The following GPC6 variants were observed in gnomAD, a reference collection of about 807,000 sequenced individuals.
GPC6 encodes glypican 6, also known as glypican-6.
A neutral mutation model predicts 55.2 loss-of-function variants in GPC6; 14 were observed. That is an observed-to-expected ratio of 0.25 (90% CI 0.17 to 0.40). The LOEUF (loss-of-function observed/expected upper bound fraction) is 0.40, where lower values mean the gene tolerates loss of function less well. Among genes scored for constraint, GPC6 ranks in the 10% least tolerant of loss-of-function variants. GPC6 has a pLI of 1.00. For missense variants in GPC6, 641 were observed against 708.5 expected (o/e 0.90, Z 1.08); for synonymous variants, 278 against 259.6 (o/e 1.07, Z -0.68).
At chr13:93,544,827 A>G (rs975702657) in intron 1 of GPC6, among the ~76,000 whole-genome samples, 4 of 152,194 alleles carry the variant, frequency 2.6e-5, no homozygotes, top group African/African-American at 4.8e-5. Flanking sequence ...ACAGACTTGC[A>G]GAAAGAGAAC....
chr13:94,361,046 C>T (rs1316289858), intron 6 of GPC6, among the ~76,000 whole-genome samples: 1 of 152,210 alleles, frequency 6.6e-6, no homozygotes, highest in Non-Finnish European at 1.5e-5. Context: ...ACAAAAAGGT[C>T]ACCATAGAAA....
intron 3 of GPC6, among the ~76,000 whole-genome samples, chr13:93,912,644 G>A (rs1022906547): frequency 1.3e-5 from 2 of 152,174 alleles, no homozygotes; most frequent in Non-Finnish European, 2.9e-5. Context: ...TCGGGAGGCT[G>A]AGGCAGGAGA....
chr13:93,655,687 A>G (rs1880631743), intron 2 of GPC6, among the ~76,000 whole-genome samples: 1 of 152,186 alleles, frequency 6.6e-6, no homozygotes, highest in Non-Finnish European at 1.5e-5. Flanking sequence ...GAGTGTGGAA[A>G]AGTACAATGG....
chr13:93,638,702 A>T (rs1879794285), intron 2 of GPC6, among the ~76,000 whole-genome samples: 1 of 152,142 alleles, frequency 6.6e-6, no homozygotes, highest in African/African-American at 2.4e-5. Context: ...TTGATTAAAG[A>T]TGACAACAAC....
intron 1 of GPC6, among the ~76,000 whole-genome samples, chr13:93,321,196 A>G (rs944102170): frequency 2.6e-5 from 4 of 152,120 alleles, no homozygotes; most frequent in Admixed American, 1.3e-4. Flanking sequence ...TTAGTTTGCT[A>G]ATTTCCCATC....
intron 2 of GPC6, among the ~76,000 whole-genome samples, chr13:93,808,186 T>G (rs1239403586): frequency 6.7e-6 from 1 of 148,686 alleles, no homozygotes; most frequent in African/African-American, 2.4e-5. Flanking sequence ...ATGGGATAGT[T>G]ATTACTATAC....
chr13:93,507,526 C>T (rs892401127), intron 1 of GPC6, among the ~76,000 whole-genome samples: 7 of 152,162 alleles, frequency 4.6e-5, no homozygotes, highest in East Asian at 1.9e-4. Flanking sequence ...TACTTTAATT[C>T]CAATGAGCAG....
intron 1 of GPC6, among the ~76,000 whole-genome samples, chr13:93,274,858 C>T (rs1158074596): frequency 1.3e-5 from 2 of 152,066 alleles, no homozygotes; most frequent in African/African-American, 4.8e-5. Context: ...GATATAATTT[C>T]CTGTGCTTTC....
At chr13:93,860,082 A>T (rs547151863) in intron 3 of GPC6, among the ~76,000 whole-genome samples, 1 of 151,786 alleles carries the variant, frequency 6.6e-6, no homozygotes, top group African/African-American at 2.4e-5. Context: ...ATCAACTCTT[A>T]GCAGACATTT....
At chr13:94,300,144 T>C (rs1375214827) in intron 5 of GPC6, among the ~76,000 whole-genome samples, 2 of 152,054 alleles carry the variant, frequency 1.3e-5, no homozygotes, top group Non-Finnish European at 2.9e-5. Flanking sequence ...GAGTAGAAAG[T>C]GGGAAGACAG....
intron 2 of GPC6, among the ~76,000 whole-genome samples, chr13:93,641,231 C>G (rs1879922245): frequency 6.6e-6 from 1 of 151,650 alleles, no homozygotes. Flanking sequence ...TGTCCCACTC[C>G]TCATCCCACA....
chr13:93,719,324 A>T (rs1594398548), intron 2 of GPC6, among the ~76,000 whole-genome samples: 1 of 151,754 alleles, frequency 6.6e-6, no homozygotes, highest in African/African-American at 2.4e-5. Context: ...TATTTCTAGG[A>T]ATTTTATTCT....
chr13:93,682,690 AT>A (rs1157720378), intron 2 of GPC6, among the ~76,000 whole-genome samples: 4 of 152,082 alleles, frequency 2.6e-5, no homozygotes, highest in Non-Finnish European at 5.9e-5. Flanking sequence ...TTGAAAAAAA[AT>A]ATATACATCT....
At chr13:93,277,698 G>T (rs562311501) in intron 1 of GPC6, among the ~76,000 whole-genome samples, 1 of 152,216 alleles carries the variant, frequency 6.6e-6, no homozygotes, top group Admixed American at 6.5e-5. Context: ...TTTAAAAATA[G>T]AATAATTGTT....
At chr13:93,798,560 A>G (rs1428797369) in intron 2 of GPC6, among the ~76,000 whole-genome samples, 1 of 152,164 alleles carries the variant, frequency 6.6e-6, no homozygotes, top group East Asian at 1.9e-4. Flanking sequence ...CAGACATGCT[A>G]TACCTTCCCT....
chr13:93,553,354 G>C (rs1192953829), intron 2 of GPC6, among the ~76,000 whole-genome samples: 1 of 152,086 alleles, frequency 6.6e-6, no homozygotes, highest in Non-Finnish European at 1.5e-5. Context: ...TTATCTGAAA[G>C]GATATAACCA....
At chr13:94,109,127 G>C (rs1886154989) in intron 4 of GPC6, among the ~76,000 whole-genome samples, 1 of 152,142 alleles carries the variant, frequency 6.6e-6, no homozygotes, top group African/African-American at 2.4e-5. Context: ...GTGAAATTCT[G>C]ATTTCCCCTC....
At chr13:93,367,279 CAA>C (rs1316010455) in intron 1 of GPC6, among the ~76,000 whole-genome samples, 1 of 146,828 alleles carries the variant, frequency 6.8e-6, no homozygotes, top group African/African-American at 2.4e-5. Context: ...GATGAAATAT[CAA>C]AAAGAGAAGC....
intron 4 of GPC6, among the ~76,000 whole-genome samples, chr13:94,070,092 T>C (rs1420604808): frequency 6.6e-6 from 1 of 152,180 alleles, no homozygotes; most frequent in Non-Finnish European, 1.5e-5. Context: ...AATGCACTTA[T>C]AGTTCCACAT....
Sources: gnomAD v4.1 joint callset for allele counts (sites outside exome capture counted in the v4.1 genomes callset) on GRCh38, gnomAD v4.1.1 for gene constraint, MANE v1.5 for transcripts, NCBI Gene and HGNC (gene_info 2026-07-23, HGNC 2026-07-21) for gene names.